Variants in CRNKL1 observed in about 807,000 individuals in gnomAD.
The protein encoded by CRNKL1 is crooked neck-like protein 1.
Under a neutral mutation model 103.7 loss-of-function variants are expected in CRNKL1, and 35 were observed. That is an observed-to-expected ratio of 0.34 (90% CI 0.26 to 0.45). CRNKL1 has a LOEUF of 0.45. Among genes scored for constraint, CRNKL1 ranks in the 20% least tolerant of loss-of-function variants. The probability of loss-of-function intolerance (pLI) is 1.00; values close to 1 mark genes in which losing one functional copy is unlikely to be tolerated. For synonymous variants in CRNKL1, 267 were observed against 282.6 expected, an observed-to-expected ratio of 0.94 and a Z score of 0.55; for missense variants, 645 against 836.0, an observed-to-expected ratio of 0.77 and a Z score of 2.82.
chr20:20,052,546 C>T (rs766122480), upstream of CRNKL1: 3 of 1,614,180 alleles, frequency 1.9e-6, no homozygotes, highest in South Asian at 1.1e-5. Context: ...TGCGCGTCCT[C>T]CTTGCGGCAG....
In CRNKL1 at chr20:20,050,607, G is replaced by A; in HGVS notation, c.67C>T (p.Pro23Ser). 6.2e-7 allele frequency: 1 copy of A among 1,601,266 alleles called. No individual in the cohort carries two copies. Among genetic ancestry groups the A allele is most frequent in the Non-Finnish European group, 8.5e-7 (1 of 1,175,612 alleles). ...PKVAKVKNKA[P>S]AEVQITAEQL... ...TCAGCAGTTATCTGTACCTCAGCCG[G>A]GGCTTTGTTTTTCACCTTTTAAGAA... The change falls in exon 2 of 14, where the codon CCG becomes TCG. Residue 23 changes from proline to serine, a missense_variant. By Grantham distance (74) the Pro-to-Ser change is moderately conservative (BLOSUM62 -1). Transcript: ENST00000536226.
intron 11 of CRNKL1, among the ~76,000 whole-genome samples, chr20:20,038,887 G>A (rs970982100): frequency 2.7e-4 from 41 of 152,280 alleles, no homozygotes; most frequent in African/African-American, 9.9e-4. Context: ...CTGAACAGGT[G>A]CGCACTGGCT....
At position 20,047,895 on chromosome 20, in the gene CRNKL1, G is replaced by A. The variant is rs1428954909; in HGVS notation, c.492C>T (p.Asn164=). ...KYTYMEEMLG[N]VAGARQVFER... is the part of the protein sequence containing the mutation. ...CAAACACCTGCCGGGCACCGGCAAC[G>A]TTTCCCAACATTTCCTCCATGTACG... The change falls in exon 5 of 14, where the codon AAC becomes AAT. Residue 164 remains asparagine (N), a synonymous_variant. Coordinates refer to ENST00000536226, the MANE Select transcript of CRNKL1 (RefSeq NM_001278628.2). The A allele has an allele frequency of 1.4e-5, 23 of 1,614,074 alleles. No individual in the cohort carries two copies. Among genetic ancestry groups the A allele is most frequent in the East Asian group, 2.2e-5 (1 of 44,890 alleles).
upstream of CRNKL1, among the ~76,000 whole-genome samples, chr20:20,053,378 T>C (rs575161016): frequency 1.1e-4 from 16 of 152,218 alleles, no homozygotes; most frequent in Admixed American, 2.6e-4. Flanking sequence ...CTTAAAAATA[T>C]CCTCCACCAG....
intron 3 of CRNKL1, 71 bp from the exon 4 acceptor site, chr20:20,048,572 CTGG>C (rs1274918170): frequency 7.5e-6 from 11 of 1,475,946 alleles, no homozygotes; most frequent in Non-Finnish European, 9.3e-6. Flanking sequence ...TTCAAACTAT[CTGG>C]AATGCACTGA....
At chr20:20,039,363 A>AC (rs1469637052) in intron 11 of CRNKL1, among the ~76,000 whole-genome samples, 2 of 151,038 alleles carry the variant, frequency 1.3e-5, no homozygotes, top group African/African-American at 4.9e-5. Flanking sequence ...GGCGTCACCC[A>AC]CCCCCATGAT....
At position 20,047,789 on chromosome 20, in the gene CRNKL1, G is replaced by C. The variant is rs544729800; in HGVS notation, c.598C>G (p.Arg200Gly). 2 of 1,614,170 alleles carry C rather than the reference G, an allele frequency of 1.2e-6. No homozygotes were observed. The highest frequency in any genetic ancestry group is 8.5e-7 in the Non-Finnish European group (1 of 1,180,034). The change falls in exon 5 of 14, where the codon CGG (arginine) becomes GGG (glycine). Residue 200 changes from arginine to glycine, a missense_variant. Arg to Gly is a moderately radical substitution (Grantham distance 125, BLOSUM62 -2). Transcript: ENST00000536226. Reference protein sequence around the residue: ...NFELRYKEVDRARTIYERFVL... With the variant: ...NFELRYKEVDGARTIYERFVL... ...TATCGCTCATAAATGGTGCGGGCCC[G>C]ATCCACCTCTTTGTATCTCAGCTCA...
intron 6 of CRNKL1, 101 bp from the exon 7 acceptor site, chr20:20,043,763 T>C: frequency 9.0e-7 from 1 of 1,113,420 alleles, no homozygotes. Flanking sequence ...AAGTTAGATT[T>C]TGAGGCCTCA....
Position 20,039,671 on chromosome 20 carries a change from T to C in CRNKL1, c.1483A>G (p.Ile495Val), listed in dbSNP as rs1387050896. 3 of 1,614,232 alleles carry C rather than the reference T, an allele frequency of 1.9e-6. No homozygotes were observed. Among genetic ancestry groups the C allele is most frequent in the South Asian group, 1.1e-5 (1 of 91,084 alleles). Residue 495 changes from isoleucine (I) to valine (V), a missense_variant, in exon 11 of 14, where the codon ATT (isoleucine) becomes GTT (valine). Physicochemically the swap from Ile to Val is conservative, Grantham distance 29. Around this residue, in one of 2 missense-constraint regions of CRNKL1, gnomAD observed 582 missense variants for 707.7 expected, o/e 0.82. Coordinates refer to ENST00000536226, the MANE Select transcript of CRNKL1 (RefSeq NM_001278628.2). The part of the protein sequence containing the change: ...FAELETILGD[I>V]DRARAIYELA... ...TCATAGATTGCCCGTGCTCTGTCAA[T>C]ATCACCAAGGATTGTCTCTAATTCA... is the stretch of plus-strand genomic sequence containing the variant.
chr20:20,050,391 TCCAA>T, intron 2 of CRNKL1, 75 bp downstream of exon 2: 3 of 1,316,352 alleles, frequency 2.3e-6, no homozygotes, highest in Non-Finnish European at 3.1e-6. Flanking sequence ...CCCTACAGAA[TCCAA>T]CCAATGAGGA....
upstream of CRNKL1, among the ~76,000 whole-genome samples, chr20:20,052,977 G>A (rs552297334): frequency 6.6e-6 from 1 of 152,280 alleles, no homozygotes; most frequent in South Asian, 2.1e-4. Context: ...ATAACAGAAG[G>A]TACTTTGAAG....
intron 13 of CRNKL1, among the ~76,000 whole-genome samples, chr20:20,036,793 C>T (rs899165647): frequency 6.6e-6 from 1 of 152,240 alleles, no homozygotes; most frequent in Admixed American, 6.5e-5. Context: ...ATTGTTCTAA[C>T]AGGCCCTGTG....
intron 9 of CRNKL1, among the ~76,000 whole-genome samples, chr20:20,041,196 T>G (rs2043507698): frequency 1.3e-5 from 2 of 151,844 alleles, no homozygotes; most frequent in Non-Finnish European, 2.9e-5. Flanking sequence ...GGAGGTAACA[T>G]CTCAACCATC....
At chr20:20,045,162 G>A (rs1361955297) in intron 6 of CRNKL1, 146 bp downstream of exon 6, 9 of 610,110 alleles carry the variant, frequency 1.5e-5, no homozygotes, top group Non-Finnish European at 2.2e-5. Flanking sequence ...TATATATGCT[G>A]TTCTCTGTGA....
At position 20,036,068 on chromosome 20, in the gene CRNKL1, A is replaced by T; in HGVS notation, c.*127T>A. 1 of 976,430 alleles carries T rather than the reference A, an allele frequency of 1.0e-6. No homozygotes were observed. The highest frequency in any genetic ancestry group is 1.9e-5 in the South Asian group (1 of 53,306). 60.5% of individuals were successfully genotyped at this position (976,430 alleles called of 1,614,324 possible). On this transcript the variant is annotated 3_prime_UTR_variant, in exon 14 of 14. Transcript: ENST00000536226. Reference sequence around the variant, plus strand: ...CCCAAGAGCATTTAAAAAATAACTTAAAAAGTAGCCATCAAAGATACCAAT... The same window carrying T: ...CCCAAGAGCATTTAAAAAATAACTTTAAAAGTAGCCATCAAAGATACCAAT...
intron 2 of CRNKL1, 135 bp downstream of exon 2, chr20:20,050,335 C>G: frequency 1.6e-6 from 1 of 633,236 alleles, no homozygotes. Flanking sequence ...ATCTGGTAAC[C>G]AGAAGTACAT....
upstream of CRNKL1, among the ~76,000 whole-genome samples, chr20:20,054,021 T>TGTTTTTGTTTTTG (rs1555826003): frequency 4.4e-4 from 64 of 146,736 alleles, no homozygotes; most frequent in African/African-American, 1.4e-3. Flanking sequence ...TTGTTTTTTT[T>TGTTTTTGTTTTTG]TTTTTTTTTT....
rs2043480029 is a variant in CRNKL1 at position 20,039,630 on chromosome 20, C to T, written c.1524G>A (p.Gln508=). Residue 508 remains glutamine (Q), a synonymous_variant, in exon 11 of 14, where the codon CAG becomes CAA. Coordinates refer to ENST00000536226, the MANE Select transcript of CRNKL1 (RefSeq NM_001278628.2). ...ARAIYELAIS[Q]PRLDMPEVLW... ...TCACCTCTGGCATGTCTAAACGTGG[C>T]TGACTGATGGCTAATTCATAGATTG... The T allele has an allele frequency of 6.2e-7, 1 of 1,614,188 alleles. No homozygotes were observed. The highest frequency in any genetic ancestry group is 8.5e-7 in the Non-Finnish European group (1 of 1,180,036).
intron 12 of CRNKL1, among the ~76,000 whole-genome samples, chr20:20,038,125 G>A (rs1456017634): frequency 1.3e-5 from 2 of 149,728 alleles, no homozygotes; most frequent in Admixed American, 1.3e-4. Flanking sequence ...TCAATCTTGT[G>A]ATACCCAAGC....
Sources: allele counts gnomAD v4.1 joint callset (sites outside exome capture counted in the v4.1 genomes callset), GRCh38; gene constraint gnomAD v4.1.1; regional missense constraint gnomAD v4.1.1; transcripts MANE v1.5; gene names NCBI Gene and HGNC (gene_info 2026-07-23, HGNC 2026-07-21).